The following BLVRA variants were observed in gnomAD, a reference collection of about 807,000 sequenced individuals.
BLVRA encodes the protein BVR A.
A neutral mutation model predicts 32.8 loss-of-function variants in BLVRA; 22 were observed. The observed-to-expected ratio is 0.67, with a 90% CI of 0.48 to 0.96. BLVRA has a LOEUF of 0.96. BLVRA is among the 40% of genes least tolerant of loss of function. The pLI is 0.00. For synonymous variants in BLVRA, 119 were observed against 141.3 expected (o/e 0.84, Z 1.12); for missense variants, 323 against 358.1 (o/e 0.90, Z 0.79).
At chr7:43,793,465 G>A (rs1007598402) in intron 5 of BLVRA, among the ~76,000 whole-genome samples, 2 of 152,068 alleles carry the variant, frequency 1.3e-5, no homozygotes, top group African/African-American at 4.8e-5. Context: ...GTTCCCCTAA[G>A]CCATACCACC....
chr7:43,762,636 G>T (rs1227022042), intron 1 of BLVRA, among the ~76,000 whole-genome samples: 2 of 138,810 alleles, frequency 1.4e-5, no homozygotes. Flanking sequence ...TTTTAAGATG[G>T]AGTCTTGCTC....
At chr7:43,786,178 G>A (rs962015166) in intron 2 of BLVRA, among the ~76,000 whole-genome samples, 1 of 152,166 alleles carries the variant, frequency 6.6e-6, no homozygotes. Context: ...TAGATTAAAT[G>A]TGAAAGGTTG....
At chr7:43,804,607 G>A (rs2095802205) in intron 7 of BLVRA, among the ~76,000 whole-genome samples, 1 of 152,082 alleles carries the variant, frequency 6.6e-6, no homozygotes, top group Non-Finnish European at 1.5e-5. Context: ...CATGTTCCCC[G>A]CAGGGCCACA....
chr7:43,772,860 G>A (rs922974832), intron 2 of BLVRA, among the ~76,000 whole-genome samples: 1 of 152,204 alleles, frequency 6.6e-6, no homozygotes, highest in African/African-American at 2.4e-5. Context: ...GACACACAGG[G>A]ATTATGGGGA....
chr7:43,790,265 C>A (rs1252467183), intron 3 of BLVRA, among the ~76,000 whole-genome samples: 1 of 152,064 alleles, frequency 6.6e-6, no homozygotes, highest in Non-Finnish European at 1.5e-5. Context: ...ACTGCAGCTC[C>A]CCCATGCTCT....
At chr7:43,795,619 T>A (rs1306743) in intron 5 of BLVRA, among the ~76,000 whole-genome samples, 126,918 of 152,198 alleles carry the variant, frequency 0.83, 53,439 homozygotes, top group African/African-American at 0.95. Context: ...AAGATCTCAA[T>A]TCAACATCCT....
At chr7:43,783,384 G>A (rs2095772518) in intron 2 of BLVRA, among the ~76,000 whole-genome samples, 1 of 152,094 alleles carries the variant, frequency 6.6e-6, no homozygotes, top group Admixed American at 6.5e-5. Context: ...TTACTACACA[G>A]ACTGTAGCAC....
chr7:43,772,242 C>T (rs528922319), intron 2 of BLVRA, among the ~76,000 whole-genome samples: 15 of 152,352 alleles, frequency 9.8e-5, no homozygotes, highest in South Asian at 8.3e-4. Flanking sequence ...GGCAGGTGCC[C>T]ATGTGGCAGC....
intron 1 of BLVRA, among the ~76,000 whole-genome samples, chr7:43,768,837 G>A (rs948288595): frequency 2.6e-5 from 4 of 151,996 alleles, no homozygotes; most frequent in African/African-American, 4.8e-5. Flanking sequence ...CTCTGCTCCC[G>A]TGTCTTCATG....
intron 3 of BLVRA, among the ~76,000 whole-genome samples, chr7:43,790,191 ACT>A (rs2095783892): frequency 6.6e-6 from 1 of 151,492 alleles, no homozygotes; most frequent in African/African-American, 2.4e-5. Context: ...TTAGAGGGCT[ACT>A]CTCCTGCCCC....
Position 43,803,308 on chromosome 7 carries a change from G to GTT in BLVRA, c.461-367_461-366dup, listed in dbSNP as rs879326864. On this transcript the variant is annotated intron_variant, in intron 6 of 7. Coordinates refer to ENST00000265523, the MANE Select transcript of BLVRA (RefSeq NM_000712.4). ...TATATATATGTATATGTAGGTATGT[G>GTT]TTGTGTGTGTGTGTGTGTGTATGTA... is the stretch of plus-strand genomic sequence containing the variant. Among the ~76,000 whole-genome samples, 363 of 61,200 alleles carry GTT rather than the reference G, an allele frequency of 5.9e-3. 9 individuals carry two copies. The Admixed American group carries it at 0.063, about 11-fold the overall frequency. The allele number at this position is 61,200 out of a possible 152,430, so 40.1% of individuals were successfully genotyped here.
At chr7:43,759,504 C>T (rs982801189) in intron 1 of BLVRA, among the ~76,000 whole-genome samples, 1 of 152,164 alleles carries the variant, frequency 6.6e-6, no homozygotes, top group African/African-American at 2.4e-5. Flanking sequence ...GCACGTTAAC[C>T]AACCTCTTGT....
intron 1 of BLVRA, among the ~76,000 whole-genome samples, chr7:43,766,291 A>C (rs1037422845): frequency 9.0e-6 from 1 of 110,782 alleles, no homozygotes; most frequent in Non-Finnish European, 2.0e-5. Context: ...TGTCTCAGGG[A>C]AAAAAAAAAA....
chr7:43,800,391 A>G (rs1208281792), intron 5 of BLVRA, 74 bp from the exon 6 acceptor site: 5 of 1,391,040 alleles, frequency 3.6e-6, no homozygotes, highest in Non-Finnish European at 5.1e-6. Context: ...TTAGGGGATG[A>G]CAGAGTACCC....
chr7:43,761,394 T>G (rs925743952), intron 1 of BLVRA, among the ~76,000 whole-genome samples: 1 of 152,240 alleles, frequency 6.6e-6, no homozygotes, highest in African/African-American at 2.4e-5. Flanking sequence ...TATGAAAATG[T>G]GCTATATTTA....
chr7:43,761,097 A>G (rs866481146), intron 1 of BLVRA, among the ~76,000 whole-genome samples: 81 of 152,206 alleles, frequency 5.3e-4, no homozygotes, highest in African/African-American at 1.8e-3. Context: ...CTGTGAGGAA[A>G]TAGCTACATT....
chr7:43,806,139 C>T (rs1229829756), intron 7 of BLVRA, among the ~76,000 whole-genome samples: 1 of 152,126 alleles, frequency 6.6e-6, no homozygotes, highest in African/African-American at 2.4e-5. Flanking sequence ...ATGGTGAAAC[C>T]TTGTCTCTAC....
rs543876044 is a variant in BLVRA at position 43,773,601 on chromosome 7, G to A, written c.12+2431G>A. On this transcript the variant is annotated intron_variant, in intron 2 of 7. Transcript: ENST00000265523. ...GTGAATAGTGCCGCAATAAACATAC[G>A]TGTGCATGTGTCTTTATAGCAGCAT... is the stretch of plus-strand genomic sequence containing the variant. 8.5e-4 allele frequency among the ~76,000 whole-genome samples: 130 copies of A among 152,238 alleles called. 1 individual carries two copies. The highest frequency in any genetic ancestry group is 3.0e-3 in the African/African-American group (123 of 41,542).
At chr7:43,778,597 C>T (rs996405963) in intron 2 of BLVRA, among the ~76,000 whole-genome samples, 1 of 152,208 alleles carries the variant, frequency 6.6e-6, no homozygotes, top group Non-Finnish European at 1.5e-5. Context: ...TTAGGCTGCT[C>T]GGGGGTCAGG....
Sources: gnomAD v4.1 joint callset for allele counts (sites outside exome capture counted in the v4.1 genomes callset) on GRCh38, gnomAD v4.1.1 for gene constraint, MANE v1.5 for transcripts, NCBI Gene and HGNC (gene_info 2026-07-23, HGNC 2026-07-21) for gene names.